MYH14: variants seen among roughly 807,000 people sequenced by gnomAD.
MYH14 encodes myosin-14.
Under a neutral mutation model 255.5 loss-of-function variants are expected in MYH14, and 123 were observed. That is an observed-to-expected ratio of 0.48 (90% confidence interval 0.42 to 0.56). The LOEUF is 0.56. Ranked by LOEUF, MYH14 falls within the 20% of genes least tolerant of loss-of-function variation. The pLI, the probability that MYH14 is intolerant of heterozygous loss-of-function variation, is 0.00. For synonymous variants in MYH14, 1,095 were observed against 1,161.2 expected, an observed-to-expected ratio of 0.94 and a Z score of 1.16; for missense variants, 2,423 against 2,802.3, an observed-to-expected ratio of 0.86 and a Z score of 3.06.
At position 50,250,972 on chromosome 19, in the gene MYH14, G is replaced by A. The variant is rs573109905; in HGVS notation, c.1830+284G>A. 1.7e-3 allele frequency among the ~76,000 whole-genome samples: 263 copies of A among 152,294 alleles called. 6 individuals are homozygous for A. In the South Asian group the frequency reaches 0.052, roughly 30 times the overall value. On this transcript the variant is annotated intron_variant, in intron 15 of 42. Transcript: ENST00000642316. The surrounding 1 kb of genome is among the most constrained non-coding windows in gnomAD (Gnocchi z 5.4). ...ATCCACTTATTCAGCAGATATGTGC[G>A]GGGTGCCATTTGTGTGCCCAGCTCG... is the stretch of plus-strand genomic sequence containing the variant.
At position 50,266,083 on chromosome 19, in the gene MYH14, A is replaced by T. The variant is rs951400011; in HGVS notation, c.2695-794A>T. ...GGTGGAGAGGAAAAGAATCAAGTAG[A>T]CTTGTGTAGAACGGAGTAGAATATG... On this transcript the variant is annotated intron_variant, in intron 22 of 42. Transcript: ENST00000642316. The surrounding 1 kb of genome is among the most constrained non-coding windows in gnomAD (Gnocchi z 4.1). Among the ~76,000 whole-genome samples, 1 of 152,200 alleles carries T rather than the reference A, an allele frequency of 6.6e-6. No individual in the cohort carries two copies. The highest frequency in any genetic ancestry group is 2.4e-5 in the African/African-American group (1 of 41,428).
intron 33 of MYH14, among the ~76,000 whole-genome samples, chr19:50,282,477 G>A (rs13345017): frequency 0.36 from 55,067 of 151,932 alleles, 10,970 homozygotes; most frequent in African/African-American, 0.53. Flanking sequence ...CAAGGCGGGC[G>A]GATTGCCTGA....
rs374948377 is a variant in MYH14, at chr19:50,309,086, G to A, written c.5869G>A (p.Gly1957Ser). 1.4e-5 allele frequency: 22 copies of A among 1,613,780 alleles called. No homozygotes were observed. The highest frequency in any genetic ancestry group is 8.0e-5 in the African/African-American group (6 of 74,920). Reference sequence around the variant, plus strand: ...GGAGGAGGCATCCCGGGCTCAGGCCGGCCGCCGGAGGCTGCAGCGTGAGCT... The same window carrying A: ...GGAGGAGGCATCCCGGGCTCAGGCCAGCCGCCGGAGGCTGCAGCGTGAGCT... The part of the protein sequence containing the change: ...AEEEASRAQA[G>S]RRRLQRELED... The change falls in exon 42 of 43, where the codon GGC becomes AGC. Residue 1957 changes from glycine to serine, a missense_variant. Transcript: ENST00000642316.
chr19:50,236,161 G>A (rs1013161827), intron 10 of MYH14, among the ~76,000 whole-genome samples: 1 of 151,750 alleles, frequency 6.6e-6, no homozygotes, highest in Non-Finnish European at 1.5e-5. Context: ...ATGCAACCTC[G>A]TCTTTACAAA....
At position 50,272,596 on chromosome 19, in the gene MYH14, T is replaced by C; in HGVS notation, c.3332T>C (p.Leu1111Pro). ...AAGGAGGAGAAGGGTCGCCAGGAGCTGGAGAAGCTGAAGCGGAGGCTGGAT... is the reference window on the plus strand; with the variant it reads ...AAGGAGGAGAAGGGTCGCCAGGAGCCGGAGAAGCTGAAGCGGAGGCTGGAT... Reference protein sequence around the residue: ...LRKEEKGRQELEKLKRRLDGE... With the variant: ...LRKEEKGRQEPEKLKRRLDGE... The change falls in exon 27 of 43, where the codon CTG (leucine) becomes CCG (proline). Residue 1111 changes from leucine (L) to proline (P), a missense_variant. Coordinates refer to ENST00000642316, the MANE Select transcript of MYH14 (RefSeq NM_001145809.2). 6.3e-7 allele frequency: 1 copy of C among 1,581,276 alleles called. No homozygotes were observed. Among genetic ancestry groups the C allele is most frequent in the Non-Finnish European group, 8.6e-7 (1 of 1,164,690 alleles).
At chr19:50,204,948 A>G (rs1190789071) in intron 1 of MYH14, among the ~76,000 whole-genome samples, 1 of 151,428 alleles carries the variant, frequency 6.6e-6, no homozygotes, top group African/African-American at 2.4e-5. Context: ...CTGTTCTAAG[A>G]GGAGAAAATA....
rs1418757992 is a variant in MYH14, at chr19:50,293,709, C to T, written c.5469+22C>T. 1 of 1,538,266 alleles carries T rather than the reference C, an allele frequency of 6.5e-7. No individual in the cohort carries two copies. The highest frequency in any genetic ancestry group is 8.8e-7 in the Non-Finnish European group (1 of 1,141,460). ...GCAGGTGAGCGTGATTGACCGCCCC[C>T]ACCAGCCTCAGTCCCCATTGACCTG... On this transcript the variant is annotated intron_variant, in intron 39 of 42. Coordinates refer to ENST00000642316, the MANE Select transcript of MYH14 (RefSeq NM_001145809.2). The surrounding 1 kb of genome is among the most constrained non-coding windows in gnomAD (Gnocchi z 4.1).
At chr19:50,268,012 G>C in intron 23 of MYH14, 149 bp from the exon 24 acceptor site, 1 of 942,836 alleles carries the variant, frequency 1.1e-6, no homozygotes, top group Non-Finnish European at 1.5e-6. Context: ...GACCTGAGGG[G>C]GAGGAGGTGG....
chr19:50,208,017 C>A (rs2031912284), intron 1 of MYH14, among the ~76,000 whole-genome samples: 1 of 152,214 alleles, frequency 6.6e-6, no homozygotes, highest in African/African-American at 2.4e-5. Flanking sequence ...AAATGCCACA[C>A]CAGAGAGGCC....
intron 6 of MYH14, among the ~76,000 whole-genome samples, chr19:50,225,317 T>C (rs2033036866): frequency 6.6e-6 from 1 of 152,238 alleles, no homozygotes; most frequent in Admixed American, 6.5e-5. Context: ...TGGGATAACA[T>C]TGTAGACATT....
intron 12 of MYH14, among the ~76,000 whole-genome samples, chr19:50,248,086 A>G (rs1035452745): frequency 6.6e-6 from 1 of 151,796 alleles, no homozygotes; most frequent in Non-Finnish European, 1.5e-5. Flanking sequence ...AGAAAAGAAA[A>G]AAAGAAAATT....
intron 1 of MYH14, among the ~76,000 whole-genome samples, chr19:50,206,275 C>T (rs2031746150): frequency 6.6e-6 from 1 of 151,990 alleles, no homozygotes; most frequent in African/African-American, 2.4e-5. Context: ...GCTCGGACTC[C>T]TCAGCCTGGG....
chr19:50,267,623 A>AATAATAATAATAATAAT (rs2035136415), intron 23 of MYH14, among the ~76,000 whole-genome samples: 1 of 149,146 alleles, frequency 6.7e-6, no homozygotes, highest in African/African-American at 2.5e-5. Context: ...TCTGTCTCAA[A>AATAATAATAATAATAAT]AATAATAATA....
chr19:50,231,979 G>C lies in MYH14; in HGVS notation c.1023G>C (p.Gly341=). ...PCSHYRFLTN[G]PSSSPGQERE... is the part of the protein sequence containing the mutation. ...CCCACTACCGGTTCCTGACCAACGG[G>C]CCGTCATCCTCTCCCGGCCAGGAGC... The change falls in exon 10 of 43, where the codon GGG becomes GGC. Residue 341 remains glycine (G), a synonymous_variant. Transcript: ENST00000642316. The C allele has an allele frequency of 6.2e-7, 1 of 1,613,892 alleles. No individual in the cohort carries two copies. The highest frequency in any genetic ancestry group is 8.5e-7 in the Non-Finnish European group (1 of 1,179,898).
chr19:50,298,415 CAT>C (rs1491134609), intron 39 of MYH14, among the ~76,000 whole-genome samples: 379 of 151,678 alleles, frequency 2.5e-3, no homozygotes, highest in East Asian at 9.1e-3. Flanking sequence ...CACACACACA[CAT>C]GCACACATGA....
intron 26 of MYH14, 113 bp downstream of exon 26, chr19:50,272,085 GA>G (rs1241290840): frequency 4.5e-5 from 64 of 1,422,646 alleles, no homozygotes; most frequent in Non-Finnish European, 1.4e-5. Flanking sequence ...GGATAGGAAG[GA>G]AGGCTCAGGG....
Position 50,221,569 on chromosome 19 carries a change from C to T in MYH14, c.563-1514C>T, listed in dbSNP as rs539750073. Among the ~76,000 whole-genome samples, 44 of 152,264 alleles carry T rather than the reference C, an allele frequency of 2.9e-4. 1 individual carries two copies. Among genetic ancestry groups the T allele is most frequent in the Admixed American group, 9.2e-4 (14 of 15,286 alleles). The stretch of plus-strand genomic sequence containing the variant: ...TTGGCTCACTGCAACCTCCGCCTCC[C>T]GGGTTCAAGTGATTCTTCTGCCTCA... On this transcript the variant is annotated intron_variant, in intron 3 of 42. Coordinates refer to ENST00000642316, the MANE Select transcript of MYH14 (RefSeq NM_001145809.2). The surrounding 1 kb of genome is among the most constrained non-coding windows in gnomAD (Gnocchi z 5.3).
At position 50,250,314 on chromosome 19, in the gene MYH14, G is replaced by A. The variant is rs937575427; in HGVS notation, c.1657-201G>A. 2.1e-5 allele frequency among the ~76,000 whole-genome samples: 3 copies of A among 141,750 alleles called. No individual in the cohort carries two copies. The highest frequency in any genetic ancestry group is 4.7e-5 in the Non-Finnish European group (3 of 64,270). The allele number at this position is 141,750 out of a possible 152,430, so 93.0% of individuals were successfully genotyped here. A position where few individuals can be genotyped will look rare whatever the true frequency, so the allele number is the denominator to read the frequency against. On this transcript the variant is annotated intron_variant, in intron 14 of 42. Coordinates refer to ENST00000642316, the MANE Select transcript of MYH14 (RefSeq NM_001145809.2). This position sits in a 1 kb window ranked among gnomAD's most constrained non-coding sequence, Gnocchi z 5.4. ...TCGGGGGTTTCACTGTGTTAGCCAG[G>A]ATGGTCTCGATCTCCTGACCTCGTG...
intron 39 of MYH14, among the ~76,000 whole-genome samples, chr19:50,296,235 G>C (rs995579539): frequency 2.6e-5 from 4 of 152,174 alleles, no homozygotes; most frequent in Non-Finnish European, 5.9e-5. Context: ...CACCCAAAAG[G>C]CCTAGAAACA....
Sources: gnomAD v4.1 joint callset for allele counts (sites outside exome capture counted in the v4.1 genomes callset) on GRCh38, gnomAD v4.1.1 for gene constraint, Gnocchi (gnomAD v3.1) non-coding constraint, MANE v1.5 for transcripts, NCBI Gene and HGNC (gene_info 2026-07-23, HGNC 2026-07-21) for gene names.